ZIC5: variants seen among roughly 807,000 people sequenced by gnomAD.
ZIC5 encodes Zic family zinc finger 5.
A neutral mutation model predicts 28.5 loss-of-function variants in ZIC5; 20 were observed. That is an observed-to-expected ratio of 0.70 (90% CI 0.49 to 1.02). The LOEUF (loss-of-function observed/expected upper bound fraction) is 1.02, where lower values mean the gene tolerates loss of function less well. ZIC5 is among the 50% of genes least tolerant of loss of function. ZIC5 has a pLI of 0.00. For missense variants in ZIC5, 951 were observed against 899.7 expected (o/e 1.06, Z -0.73); for synonymous variants, 488 against 410.4 (o/e 1.19, Z -2.29).
At chr13:99,966,823 A>G (rs571138422) in intron 1 of ZIC5, among the ~76,000 whole-genome samples, 4 of 152,340 alleles carry the variant, frequency 2.6e-5, no homozygotes, top group African/African-American at 7.2e-5. Flanking sequence ...ACAACTAGAG[A>G]AATTCAGCCA....
Position 99,965,631 on chromosome 13 carries a change from G to T in ZIC5, c.1666C>A (p.Pro556Thr). The T allele has an allele frequency of 6.2e-7, 1 of 1,614,180 alleles. No individual in the cohort carries two copies. Among genetic ancestry groups the T allele is most frequent in the Middle Eastern group, 1.6e-4 (1 of 6,062 alleles). Residue 556 changes from proline to threonine, a missense_variant, in exon 2 of 2, where the codon CCA (proline) becomes ACA (threonine). By Grantham distance (38) the Pro-to-Thr change is conservative. Transcript: ENST00000267294. The part of the protein sequence containing the change: ...KHMKIHCKSP[P>T]PSPGPLGYSS... ...TAACCAAGGGGTCCTGGAGAAGGTG[G>T]CGGGGACTTGCAGTGAATCTTCATG...
chr13:99,971,231 C>T lies in ZIC5; in HGVS notation c.373G>A (p.Ala125Thr). Residue 125 changes from alanine to threonine, a missense_variant, in exon 1 of 2, where the codon GCG (alanine) becomes ACG (threonine). By Grantham distance (58) the Ala-to-Thr change is moderately conservative (BLOSUM62 0). Transcript: ENST00000267294. ...GGGSSGAQPS[A>T]PPPPAPPLPP... The stretch of plus-strand genomic sequence containing the variant: ...AGAGGAGGGGCTGGGGGCGGGGGCG[C>T]GGAGGGCTGCGCGCCACTGCTGCCC... 7.9e-7 allele frequency: 1 copy of T among 1,270,126 alleles called. No individual in the cohort carries two copies. The highest frequency in any genetic ancestry group is 3.3e-5 in the East Asian group (1 of 30,582). 78.7% of individuals were successfully genotyped at this position (1,270,126 alleles called of 1,614,324 possible).
At chr13:99,967,968 G>A (rs2053112736) in intron 1 of ZIC5, among the ~76,000 whole-genome samples, 2 of 152,202 alleles carry the variant, frequency 1.3e-5, no homozygotes, top group South Asian at 2.1e-4. Flanking sequence ...GGAGCCTGTG[G>A]GAAAGTAAGG....
In ZIC5 at chr13:99,965,617, T is replaced by A; in HGVS notation, c.1680A>T (p.Gly560=). The change falls in exon 2 of 2, where the codon GGA becomes GGT. Residue 560 remains glycine (G), a synonymous_variant. Coordinates refer to ENST00000267294, the MANE Select transcript of ZIC5 (RefSeq NM_033132.5). ...TCCCCACTGATGAGTAACCAAGGGG[T>A]CCTGGAGAAGGTGGCGGGGACTTGC... ...IHCKSPPPSP[G]PLGYSSVGTP... is the part of the protein sequence containing the mutation. 6.2e-7 allele frequency: 1 copy of A among 1,614,026 alleles called. No individual in the cohort carries two copies. Among genetic ancestry groups the A allele is most frequent in the Non-Finnish European group, 8.5e-7 (1 of 1,179,984 alleles).
chr13:99,967,350 AAG>A (rs1207515848), intron 1 of ZIC5, among the ~76,000 whole-genome samples: 3 of 152,254 alleles, frequency 2.0e-5, no homozygotes, highest in Admixed American at 1.3e-4. Flanking sequence ...GTGATGTATA[AAG>A]AGAGAAAAAA....
In ZIC5 at chr13:99,970,497, C is replaced by T. The variant is rs763585410; in HGVS notation, c.1107G>A (p.Lys369=). 1.1e-5 allele frequency: 12 copies of T among 1,131,488 alleles called. No homozygotes were observed. The highest frequency in any genetic ancestry group is 1.7e-5 in the African/African-American group (1 of 59,932). The allele number at this position is 1,131,488 out of a possible 1,614,324, so 70.1% of individuals were successfully genotyped here. The change falls in exon 1 of 2, where the codon AAG becomes AAA. Residue 369 remains lysine (K), a synonymous_variant. Transcript: ENST00000267294. ...AFLRYMRQPI[K]QELICKWIDP... is the part of the protein sequence containing the mutation. ...CGATCCACTTGCAGATGAGCTCCTGCTTGATTGGCTGCCGCATGTAGCGCA... is the reference window on the plus strand; with the variant it reads ...CGATCCACTTGCAGATGAGCTCCTGTTTGATTGGCTGCCGCATGTAGCGCA...
rs1290608338 is a variant in ZIC5 at position 99,970,437 on chromosome 13, C to CGGA, written c.1166_1167insTCC (p.Pro400dup). 1.6e-5 allele frequency: 17 copies of CGGA among 1,046,318 alleles called. No individual in the cohort carries two copies. The highest frequency in any genetic ancestry group is 1.8e-5 in the Non-Finnish European group (16 of 870,516). The allele number at this position is 1,046,318 out of a possible 1,614,324, so 64.8% of individuals were successfully genotyped here. ...GTGGCGGCGGCGGCGGCGGCGGCGG[C>CGGA]GGCGGCGGCGGCAGCCCGGCCAGCT... On this transcript the variant is annotated inframe_insertion, in exon 1 of 2. Transcript: ENST00000267294.
rs1489072399 is a variant in ZIC5, at chr13:99,970,398, G to A, written c.1206C>T (p.Gly402=). The part of the protein sequence containing the change: ...PPPPPPPPPA[G]GAKPCSKTFG... ...AAGTTTTGGAGCAGGGCTTGGCGCC[G>A]CCGGCCGGGGGCGGTGGCGGCGGCG... The change falls in exon 1 of 2, where the codon GGC becomes GGT. Residue 402 remains glycine, a synonymous_variant. Coordinates refer to ENST00000267294, the MANE Select transcript of ZIC5 (RefSeq NM_033132.5). The A allele has an allele frequency of 4.5e-6, 6 of 1,330,548 alleles. No homozygotes were observed. The highest frequency in any genetic ancestry group is 5.8e-6 in the Non-Finnish European group (6 of 1,032,910). The allele number at this position is 1,330,548 out of a possible 1,614,324, so 82.4% of individuals were successfully genotyped here.
intron 1 of ZIC5, among the ~76,000 whole-genome samples, chr13:99,969,411 GAC>G (rs1475609800): frequency 6.6e-6 from 1 of 152,214 alleles, no homozygotes; most frequent in Non-Finnish European, 1.5e-5. Context: ...TGAGTGTGAG[GAC>G]ACACAGGTGT....
rs1452517505 is a variant in ZIC5 at position 99,971,648 on chromosome 13, T to C, written c.-45A>G. ...CCATAGACCCTCACTGGGGGGACTT[T>C]ATTCCCTCTGCCCGCCTTCAAAAAC... On this transcript the variant is annotated 5_prime_UTR_variant, in exon 1 of 2. It adds an upstream start codon to the 5' untranslated region. Coordinates refer to ENST00000267294, the MANE Select transcript of ZIC5 (RefSeq NM_033132.5). 2 of 1,559,710 alleles carry C rather than the reference T, an allele frequency of 1.3e-6. No homozygotes were observed. The highest frequency in any genetic ancestry group is 1.7e-6 in the Non-Finnish European group (2 of 1,150,670).
chr13:99,969,870 C>T (rs2053133117), intron 1 of ZIC5, among the ~76,000 whole-genome samples: 1 of 146,806 alleles, frequency 6.8e-6, no homozygotes, highest in African/African-American at 2.5e-5. Flanking sequence ...GGGCTGCGGG[C>T]GCGCTGGAGA....
Position 99,970,355 on chromosome 13 carries a change from G to A in ZIC5, c.1249C>T (p.Leu417=). The change falls in exon 1 of 2, where the codon CTG becomes TTG. Residue 417 remains leucine, a synonymous_variant. Transcript: ENST00000267294. Reference sequence around the variant, plus strand: ...TGCTCCACCGTGACGTGATTCACCAGCTCGTGCATGGTGCCGAAAGTTTTG... The same window carrying A: ...TGCTCCACCGTGACGTGATTCACCAACTCGTGCATGGTGCCGAAAGTTTTG... The part of the protein sequence containing the change: ...CSKTFGTMHE[L]VNHVTVEHVG... The A allele has an allele frequency of 1.9e-6, 3 of 1,598,634 alleles. No homozygotes were observed. In the Admixed American group the frequency reaches 5.1e-5, roughly 27 times the overall value.
intron 1 of ZIC5, among the ~76,000 whole-genome samples, chr13:99,967,828 G>A (rs1594282600): frequency 6.6e-6 from 1 of 152,250 alleles, no homozygotes; most frequent in East Asian, 1.9e-4. Context: ...GGCCTGTGTT[G>A]TTCAGGGGGC....
chr13:99,965,666 A>G lies in ZIC5; in HGVS notation c.1631T>C (p.Leu544Pro), dbSNP rs1430588066. Reference sequence around the variant, plus strand: ...GCAGTGAATCTTCATGTGCTTCCTCAGGGAGCTTGGGTGAGTGTAGGATTT... The same window carrying G: ...GCAGTGAATCTTCATGTGCTTCCTCGGGGAGCTTGGGTGAGTGTAGGATTT... The part of the protein sequence containing the change: ...CDKSYTHPSS[L>P]RKHMKIHCKS... The change falls in exon 2 of 2, where the codon CTG becomes CCG. Residue 544 changes from leucine (L) to proline (P), a missense_variant. Leu to Pro is a moderately conservative substitution (Grantham distance 98, BLOSUM62 -3). This residue lies in a region of ZIC5 where 59 missense variants were observed against 121.2 expected (regional missense o/e 0.49). Transcript: ENST00000267294. The G allele has an allele frequency of 6.2e-7, 1 of 1,614,200 alleles. No individual in the cohort carries two copies. Among genetic ancestry groups the G allele is most frequent in the Non-Finnish European group, 8.5e-7 (1 of 1,180,020 alleles).
chr13:99,971,862 G>A, upstream of ZIC5: 1 of 702,532 alleles, frequency 1.4e-6, no homozygotes, highest in South Asian at 2.0e-5. Context: ...AGCCTCGGCT[G>A]CTCGATTGGC....
At position 99,963,797 on chromosome 13, in the gene ZIC5, T is replaced by A. The variant is rs2053075270; in HGVS notation, c.*1580A>T. The A allele has an allele frequency of 2.6e-5, 4 of 152,110 alleles. No individual in the cohort carries two copies. Among genetic ancestry groups the A allele is most frequent in the Admixed American group, 2.6e-4 (4 of 15,270 alleles). The allele number at this position is 152,110 out of a possible 1,614,324, so 9.4% of individuals were successfully genotyped here. On this transcript the variant is annotated 3_prime_UTR_variant, in exon 2 of 2. Coordinates refer to ENST00000267294, the MANE Select transcript of ZIC5 (RefSeq NM_033132.5). ...GGATGATGTCTGAAAATAAATTAAT[T>A]CAACTGTACAAATAATAGTGTTCAC...
chr13:99,970,542 T>C lies in ZIC5; in HGVS notation c.1062A>G (p.Pro354=). ...AGCGCAGGAAGGCCCCAGCCGCCCC[T>C]GGGAGGTGGGGGTGGTGCTGGTGCG... ...QHPHQHHPHL[P]GAAGAFLRYM... is the part of the protein sequence containing the mutation. Residue 354 remains proline, a synonymous_variant, in exon 1 of 2, where the codon CCA becomes CCG. Transcript: ENST00000267294. 9.2e-7 allele frequency: 1 copy of C among 1,092,766 alleles called. No individual in the cohort carries two copies. The allele number at this position is 1,092,766 out of a possible 1,614,324, so 67.7% of individuals were successfully genotyped here. A position where few individuals can be genotyped will look rare whatever the true frequency, so the allele number is the denominator to read the frequency against.
chr13:99,965,552 G>A lies in ZIC5; in HGVS notation c.1745C>T (p.Ala582Val), dbSNP rs1409182124. 6.2e-7 allele frequency: 1 copy of A among 1,613,432 alleles called. No individual in the cohort carries two copies. Among genetic ancestry groups the A allele is most frequent in the Non-Finnish European group, 8.5e-7 (1 of 1,179,586 alleles). ...GGACAGAGTGCTGGAGTGACTCCTG[G>A]CTGGGTCCAGCACAGGGGACAAGGG... ...GAPLSPVLDP[A>V]RSHSSTLSPQ... The change falls in exon 2 of 2, where the codon GCC becomes GTC. Residue 582 changes from alanine (A) to valine (V), a missense_variant. This residue lies in a region of ZIC5 where 108 missense variants were observed against 118.4 expected (regional missense o/e 0.91). Transcript: ENST00000267294.
In ZIC5 at chr13:99,970,305, G is replaced by T; in HGVS notation, c.1299C>A (p.Ser433Arg). The T allele has an allele frequency of 6.2e-7, 1 of 1,613,580 alleles. No individual in the cohort carries two copies. Among genetic ancestry groups the T allele is most frequent in the Non-Finnish European group, 8.5e-7 (1 of 1,179,784 alleles). The change falls in exon 1 of 2, where the codon AGC (serine) becomes AGA (arginine). Residue 433 changes from serine (S) to arginine (R), a missense_variant. This residue lies in a region of ZIC5 where 784 missense variants were observed against 660.1 expected (regional missense o/e 1.19). Transcript: ENST00000267294. ...VEHVGGPEQS[S>R]HVCFWEDCPR... ...GACAGTCCTCCCAGAAGCAGACGTG[G>T]CTGCTCTGCTCGGGGCCTCCCACGT...
Sources: allele counts gnomAD v4.1 joint callset (sites outside exome capture counted in the v4.1 genomes callset), GRCh38; gene constraint gnomAD v4.1.1; regional missense constraint gnomAD v4.1.1; transcripts MANE v1.5; gene names NCBI Gene and HGNC (gene_info 2026-07-23, HGNC 2026-07-21).